The following CPQ variants were observed in gnomAD, a reference collection of about 807,000 sequenced individuals.
The protein encoded by CPQ is carboxypeptidase Q, also known as Ser-Met dipeptidase.
Under a neutral mutation model 45.7 loss-of-function variants are expected in CPQ, and 37 were observed. The observed-to-expected ratio is 0.81, with a 90% CI of 0.62 to 1.07. The LOEUF (loss-of-function observed/expected upper bound fraction) is 1.07, where lower values mean the gene tolerates loss of function less well. Ranked by LOEUF, CPQ falls within the 50% of genes least tolerant of loss-of-function variation. The probability of loss-of-function intolerance (pLI) is 0.00; values close to 1 mark genes in which losing one functional copy is unlikely to be tolerated. For missense variants in CPQ, 537 were observed against 572.9 expected (o/e 0.94, Z 0.64); for synonymous variants, 186 against 205.8 (o/e 0.90, Z 0.82).
At chr8:96,823,583 C>T (rs1433386687) in intron 2 of CPQ, among the ~76,000 whole-genome samples, 1 of 151,908 alleles carries the variant, frequency 6.6e-6, no homozygotes, top group Non-Finnish European at 1.5e-5. Flanking sequence ...TACTTTCTTC[C>T]TTTCTTTCTT....
At chr8:96,686,980 T>G (rs1809237974) in intron 1 of CPQ, among the ~76,000 whole-genome samples, 1 of 152,112 alleles carries the variant, frequency 6.6e-6, no homozygotes, top group Non-Finnish European at 1.5e-5. Flanking sequence ...AGGAGTCTTT[T>G]AATTTTTTTT....
chr8:96,659,258 G>C (rs1256257877), intron 1 of CPQ: 1 of 152,118 alleles, frequency 6.6e-6, no homozygotes, highest in East Asian at 1.9e-4. Flanking sequence ...TCAGCCTCCA[G>C]TAATTTGTCA....
Position 97,073,239 on chromosome 8 carries a change from C to T in CPQ, c.1255+7029C>T, listed in dbSNP as rs79476581. On this transcript the variant is annotated intron_variant, in intron 7 of 7. Coordinates refer to ENST00000220763, the MANE Select transcript of CPQ (RefSeq NM_016134.4). The stretch of plus-strand genomic sequence containing the variant: ...ATACCTCATATGGCATTAAGAAGAA[C>T]TAAATTAAAACTTTCCATTTCTACA... 3.0e-3 allele frequency among the ~76,000 whole-genome samples: 462 copies of T among 152,298 alleles called. 5 individuals are homozygous for T. Among genetic ancestry groups the T allele is most frequent in the African/African-American group, 0.01 (428 of 41,558 alleles).
intron 1 of CPQ, among the ~76,000 whole-genome samples, chr8:96,760,289 A>G (rs551433705): frequency 6.6e-6 from 1 of 152,220 alleles, no homozygotes; most frequent in Non-Finnish European, 1.5e-5. Context: ...CTATATGCCC[A>G]GTGGCCATTA....
intron 5 of CPQ, among the ~76,000 whole-genome samples, chr8:96,990,254 C>T (rs958833587): frequency 6.6e-6 from 1 of 152,160 alleles, no homozygotes; most frequent in African/African-American, 2.4e-5. Flanking sequence ...TTTTCATTCC[C>T]TGTTTCATGT....
Position 96,965,927 on chromosome 8 carries a change from T to A in CPQ, c.850-8T>A, listed in dbSNP as rs756670235. On this transcript the variant is annotated splice_region_variant and splice_polypyrimidine_tract_variant and intron_variant, in intron 4 of 7. Coordinates refer to ENST00000220763, the MANE Select transcript of CPQ (RefSeq NM_016134.4). The stretch of plus-strand genomic sequence containing the variant: ...TTTTATTTTTTAACTTTTTATTATT[T>A]GTTCTAGGTTGTACTGGTCAGTGGA... The A allele has an allele frequency of 2.0e-6, 3 of 1,519,206 alleles. No homozygotes were observed. In the East Asian group the frequency reaches 7.0e-5, roughly 35 times the overall value. 94.1% of individuals were successfully genotyped at this position (1,519,206 alleles called of 1,614,324 possible).
At chr8:97,015,568 T>C (rs1809565267) in intron 5 of CPQ, among the ~76,000 whole-genome samples, 1 of 152,102 alleles carries the variant, frequency 6.6e-6, no homozygotes, top group Admixed American at 6.5e-5. Context: ...AGATACAATA[T>C]GACACATAAA....
intron 6 of CPQ, among the ~76,000 whole-genome samples, chr8:97,059,249 C>T (rs887217527): frequency 1.1e-4 from 16 of 152,166 alleles, no homozygotes; most frequent in Non-Finnish European, 1.6e-4. Flanking sequence ...CCAGTGGCTA[C>T]TCATTCTGTT....
At position 96,822,449 on chromosome 8, in the gene CPQ, G is replaced by T. The variant is rs193122285; in HGVS notation, c.434-12524G>T. On this transcript the variant is annotated intron_variant, in intron 2 of 7. Transcript: ENST00000220763. ...AGTGGGATTGCTGGGTCATATGGTA[G>T]CCCTATTTTTAATTTTTTAGCTCTA... Among the ~76,000 whole-genome samples, 72 of 151,984 alleles carry T rather than the reference G, an allele frequency of 4.7e-4. 1 individual carries two copies. The highest frequency in any genetic ancestry group is 1.7e-3 in the African/African-American group (72 of 41,496).
At chr8:97,122,992 TA>T (rs1563586978) in intron 7 of CPQ, among the ~76,000 whole-genome samples, 1 of 39,920 alleles carries the variant, frequency 2.5e-5, no homozygotes, top group African/African-American at 1.3e-4. Context: ...TAAAATAAAA[TA>T]AAATAAAATA....
At chr8:96,850,584 T>TATTA (rs1811757688) in intron 3 of CPQ, among the ~76,000 whole-genome samples, 1 of 136,602 alleles carries the variant, frequency 7.3e-6, no homozygotes, top group Non-Finnish European at 1.5e-5. Context: ...TTTTATTTTA[T>TATTA]TTTATTTATT....
chr8:96,992,052 T>A (rs1809103033), intron 5 of CPQ, among the ~76,000 whole-genome samples: 4 of 152,206 alleles, frequency 2.6e-5, no homozygotes, highest in Non-Finnish European at 5.9e-5. Context: ...TGATTCTATA[T>A]CCCTTGATGG....
chr8:97,072,489 G>A lies in CPQ; in HGVS notation c.1255+6279G>A, dbSNP rs111724272. ...CGTATGGAAACAAACAAATGAAAAC[G>A]GTAATTTAAAAAAAAGAAATCGGGG... is the stretch of plus-strand genomic sequence containing the variant. On this transcript the variant is annotated intron_variant, in intron 7 of 7. Transcript: ENST00000220763. Among the ~76,000 whole-genome samples the A allele has an allele frequency of 6.4e-3, 969 of 152,108 alleles. 18 individuals are homozygous for A. Among genetic ancestry groups the A allele is most frequent in the African/African-American group, 0.022 (927 of 41,508 alleles).
At chr8:96,823,088 T>G (rs1319888946) in intron 2 of CPQ, among the ~76,000 whole-genome samples, 1 of 151,934 alleles carries the variant, frequency 6.6e-6, no homozygotes, top group Non-Finnish European at 1.5e-5. Context: ...CCATCTGCAT[T>G]TGAGTGACCA....
chr8:97,100,747 C>G (rs1039260772), intron 7 of CPQ, among the ~76,000 whole-genome samples: 1 of 152,102 alleles, frequency 6.6e-6, no homozygotes, highest in African/African-American at 2.4e-5. Context: ...CAACAGTGTT[C>G]TGGTTGACCT....
At chr8:96,815,044 A>G (rs1811209643) in intron 2 of CPQ, among the ~76,000 whole-genome samples, 1 of 152,102 alleles carries the variant, frequency 6.6e-6, no homozygotes, top group African/African-American at 2.4e-5. Flanking sequence ...GTGATTATTA[A>G]TGGTACTGTG....
chr8:96,729,008 T>A (rs2130768760), intron 1 of CPQ, among the ~76,000 whole-genome samples: 1 of 152,278 alleles, frequency 6.6e-6, no homozygotes, highest in African/African-American at 2.4e-5. Context: ...AGTGATATCA[T>A]CTGTGGTTGT....
intron 2 of CPQ, among the ~76,000 whole-genome samples, chr8:96,790,927 G>A (rs967526124): frequency 3.3e-5 from 5 of 152,126 alleles, no homozygotes; most frequent in Non-Finnish European, 7.4e-5. Context: ...TCTCTCTAAG[G>A]CTGCATGAAT....
intron 4 of CPQ, among the ~76,000 whole-genome samples, chr8:96,957,675 T>C (rs1813377634): frequency 6.6e-6 from 1 of 151,982 alleles, no homozygotes; most frequent in Admixed American, 6.6e-5. Flanking sequence ...GGCACGTGCC[T>C]GTAATCCCAG....
Sources: allele counts gnomAD v4.1 joint callset (sites outside exome capture counted in the v4.1 genomes callset), GRCh38; gene constraint gnomAD v4.1.1; transcripts MANE v1.5; gene names NCBI Gene and HGNC (gene_info 2026-07-23, HGNC 2026-07-21).